The following DDRGK1 variants were observed in gnomAD, a reference collection of about 807,000 sequenced individuals.
The protein encoded by DDRGK1 is DDRGK domain-containing protein 1.
DDRGK1 carries 38 observed loss-of-function variants against 45.8 expected under a neutral mutation model. That is an observed-to-expected ratio of 0.83 (90% CI 0.64 to 1.09). DDRGK1 has a LOEUF of 1.09. Among genes scored for constraint, DDRGK1 ranks in the 50% least tolerant of loss-of-function variants. DDRGK1 has a pLI of 0.00. For synonymous variants in DDRGK1, 171 were observed against 168.7 expected, an observed-to-expected ratio of 1.01 and a Z score of -0.11; for missense variants, 403 against 419.9, an observed-to-expected ratio of 0.96 and a Z score of 0.35.
chr20:3,203,439 A>C (rs2067050905), intron 1 of DDRGK1, 23 bp from the exon 2 acceptor site: 2 of 1,525,204 alleles, frequency 1.3e-6, no homozygotes, highest in Non-Finnish European at 8.8e-7. Context: ...CAGAAATGAC[A>C]ATGCTGCCTA....
intron 4 of DDRGK1, among the ~76,000 whole-genome samples, chr20:3,196,481 T>A (rs979071506): frequency 6.7e-6 from 1 of 150,298 alleles, no homozygotes; most frequent in South Asian, 2.1e-4. Flanking sequence ...ATCGAGACCA[T>A]CCTGGCTAAC....
chr20:3,190,831 T>C lies in DDRGK1; in HGVS notation c.779-12A>G. On this transcript the variant is annotated splice_polypyrimidine_tract_variant and intron_variant, in intron 8 of 8. Transcript: ENST00000354488. Reference sequence around the variant, plus strand: ...GTCGTCAATCACACCTGTGGGGACATGCAGGTTGTGGGGCTGAGGCCTCCT... The same window carrying C: ...GTCGTCAATCACACCTGTGGGGACACGCAGGTTGTGGGGCTGAGGCCTCCT... 4 of 1,606,442 alleles carry C rather than the reference T, an allele frequency of 2.5e-6. No homozygotes were observed. Among genetic ancestry groups the C allele is most frequent in the Non-Finnish European group, 3.4e-6 (4 of 1,175,946 alleles).
rs542805598 is a variant in DDRGK1 at position 3,203,168 on chromosome 20, C to A, written c.295+45G>T. 4.1e-6 allele frequency: 6 copies of A among 1,472,966 alleles called. No individual in the cohort carries two copies. The South Asian group carries it at 7.0e-5, about 17-fold the overall frequency. 91.2% of individuals were successfully genotyped at this position (1,472,966 alleles called of 1,614,324 possible). On this transcript the variant is annotated intron_variant, in intron 2 of 8. Coordinates refer to ENST00000354488, the MANE Select transcript of DDRGK1 (RefSeq NM_023935.3). ...TAGCTTTGGGGGCCCTTTTATCCCC[C>A]CCTCCAACCCAAACCCTCTCCCCAC...
intron 6 of DDRGK1, among the ~76,000 whole-genome samples, chr20:3,192,265 A>C (rs2066992855): frequency 6.6e-6 from 1 of 152,170 alleles, no homozygotes; most frequent in Non-Finnish European, 1.5e-5. Flanking sequence ...AATAACTGTC[A>C]CCAGGACTTA....
rs774760760 is a variant in DDRGK1 at position 3,191,246 on chromosome 20, G to A, written c.730-8C>T. On this transcript the variant is annotated splice_polypyrimidine_tract_variant and splice_region_variant and intron_variant, in intron 7 of 8. Transcript: ENST00000354488. ...GATGCGATTTATGGTGTCCTATGAGGAGAACAACTCTCAGAATAGAGATAG... is the reference window on the plus strand; with the variant it reads ...GATGCGATTTATGGTGTCCTATGAGAAGAACAACTCTCAGAATAGAGATAG... The A allele has an allele frequency of 1.2e-6, 2 of 1,614,104 alleles. No individual in the cohort carries two copies. Among genetic ancestry groups the A allele is most frequent in the East Asian group, 2.2e-5 (1 of 44,880 alleles).
chr20:3,195,324 C>A lies in DDRGK1; in HGVS notation c.540G>T (p.Glu180Asp). 6.2e-7 allele frequency: 1 copy of A among 1,609,288 alleles called. No individual in the cohort carries two copies. Among genetic ancestry groups the A allele is most frequent in the Non-Finnish European group, 8.5e-7 (1 of 1,177,664 alleles). Residue 180 changes from glutamate (E) to aspartate (D), a missense_variant, in exon 5 of 9, where the codon GAG becomes GAT. By Grantham distance (45) the Glu-to-Asp change is conservative. Coordinates refer to ENST00000354488, the MANE Select transcript of DDRGK1 (RefSeq NM_023935.3). ...KEEEERKARE[E>D]QAQREHEEYL... is the part of the protein sequence containing the mutation. ...ACTCCTCATGCTCCCGCTGGGCCTG[C>A]TCCTCGCGGGCCTTCCTCTCCTCCT...
intron 6 of DDRGK1, among the ~76,000 whole-genome samples, chr20:3,194,265 T>A (rs1434168678): frequency 1.3e-5 from 2 of 152,120 alleles, no homozygotes; most frequent in Non-Finnish European, 2.9e-5. Context: ...TCTCCCCTCA[T>A]GGCATCCTTC....
At chr20:3,196,860 G>A (rs912391834) in intron 4 of DDRGK1, among the ~76,000 whole-genome samples, 11 of 5,014 alleles carry the variant, frequency 2.2e-3, no homozygotes, top group Admixed American at 0.021. Flanking sequence ...TCTCAACAAC[G>A]TAATAAATAA....
At chr20:3,202,123 G>A (rs1207921382) in intron 2 of DDRGK1, among the ~76,000 whole-genome samples, 3 of 149,822 alleles carry the variant, frequency 2.0e-5, no homozygotes, top group Non-Finnish European at 3.0e-5. Flanking sequence ...GGAACTACAG[G>A]CACATACCAT....
At position 3,190,553 on chromosome 20, in the gene DDRGK1, G is replaced by T; in HGVS notation, c.*100C>A. 1 of 1,456,908 alleles carries T rather than the reference G, an allele frequency of 6.9e-7. No homozygotes were observed. Among genetic ancestry groups the T allele is most frequent in the Non-Finnish European group, 9.4e-7 (1 of 1,065,422 alleles). The allele number at this position is 1,456,908 out of a possible 1,614,324, so 90.2% of individuals were successfully genotyped here. ...ACTCACAGGCCTTTAATCTATAACT[G>T]CCTGGCCACACCATCACTTCCCCAG... is the stretch of plus-strand genomic sequence containing the variant. On this transcript the variant is annotated 3_prime_UTR_variant, in exon 9 of 9. Transcript: ENST00000354488.
chr20:3,200,527 C>T (rs981702255), intron 2 of DDRGK1, 73 bp from the exon 3 acceptor site: 311 of 1,361,246 alleles, frequency 2.3e-4, no homozygotes, highest in Non-Finnish European at 3.1e-4. Flanking sequence ...CCCAACCCCT[C>T]GTCCCTCCCC....
intron 2 of DDRGK1, among the ~76,000 whole-genome samples, chr20:3,202,851 C>G (rs1278735421): frequency 6.6e-6 from 1 of 152,146 alleles, no homozygotes; most frequent in Non-Finnish European, 1.5e-5. Flanking sequence ...GTGGGTGACC[C>G]CACTCCAGGA....
In DDRGK1 at chr20:3,203,335, G is replaced by T. The variant is rs555096998; in HGVS notation, c.173C>A (p.Pro58Gln). ...AQPGPLEPEE[P>Q]RAGGRPRRRR... is the part of the protein sequence containing the mutation. ...GCGCCGAGGCCTGCCTCCAGCTCTC[G>T]GCTCCTCAGGCTCCAGGGGCCCAGG... Residue 58 changes from proline (P) to glutamine (Q), a missense_variant, in exon 2 of 9, where the codon CCG becomes CAG. Transcript: ENST00000354488. 1.2e-6 allele frequency: 2 copies of T among 1,608,550 alleles called. No individual in the cohort carries two copies. Among genetic ancestry groups the T allele is most frequent in the South Asian group, 2.2e-5 (2 of 90,628 alleles).
intron 7 of DDRGK1, chr20:3,191,481 C>T (rs2066989100): frequency 1.5e-6 from 1 of 664,220 alleles, no homozygotes; most frequent in African/African-American, 1.8e-5. Context: ...GCAACACAGG[C>T]TGGTGCAGTC....
chr20:3,201,239 G>A (rs1377983403), intron 2 of DDRGK1, among the ~76,000 whole-genome samples: 6 of 146,192 alleles, frequency 4.1e-5, no homozygotes, highest in South Asian at 2.2e-4. Flanking sequence ...AGCGGAGATC[G>A]CGCCACTGCA....
At chr20:3,194,115 C>T (rs551915885) in intron 6 of DDRGK1, among the ~76,000 whole-genome samples, 2 of 152,174 alleles carry the variant, frequency 1.3e-5, no homozygotes, top group African/African-American at 4.8e-5. Context: ...AAACCCTGCT[C>T]TCTTTCAGGA....
chr20:3,197,184 C>T (rs1405601703), intron 4 of DDRGK1, among the ~76,000 whole-genome samples: 3 of 136,260 alleles, frequency 2.2e-5, no homozygotes, highest in African/African-American at 8.3e-5. Context: ...GATTGCGCCA[C>T]TGGACTCCAG....
Position 3,204,655 on chromosome 20 carries a change from C to A in DDRGK1, c.-28G>T. The A allele has an allele frequency of 6.4e-7, 1 of 1,555,758 alleles. No individual in the cohort carries two copies. The highest frequency in any genetic ancestry group is 8.7e-7 in the Non-Finnish European group (1 of 1,154,676). ...CGAGGGCCTCAGTGCAGAACCACTG[C>A]GTCCACCCTGAGGCCGGGATCTCAT... On this transcript the variant is annotated 5_prime_UTR_variant, in exon 1 of 9. Coordinates refer to ENST00000354488, the MANE Select transcript of DDRGK1 (RefSeq NM_023935.3).
chr20:3,190,960 C>A, intron 8 of DDRGK1, 141 bp from the exon 9 acceptor site: 1 of 1,351,062 alleles, frequency 7.4e-7, no homozygotes, highest in Non-Finnish European at 1.0e-6. Flanking sequence ...TGCATCCAGT[C>A]CTGCTAGGAG....
Sources: allele counts gnomAD v4.1 joint callset (sites outside exome capture counted in the v4.1 genomes callset), GRCh38; gene constraint gnomAD v4.1.1; transcripts MANE v1.5; gene names NCBI Gene and HGNC (gene_info 2026-07-23, HGNC 2026-07-21).